Variants in RIT2 observed in about 807,000 individuals in gnomAD.
RIT2 encodes the protein Ras like without CAAX 2.
RIT2 carries 24 observed loss-of-function variants against 23.7 expected under a neutral mutation model. The ratio of observed to expected loss-of-function variants is 1.01; its 90% CI spans 0.73 to 1.43. The LOEUF is 1.43. Among genes scored for constraint, RIT2 ranks in the 40% most tolerant of loss-of-function variants. The pLI is 0.00. For missense variants in RIT2, 236 were observed against 266.9 expected (o/e 0.88, Z 0.81); for synonymous variants, 107 against 91.1 (o/e 1.17, Z -0.99).
intron 4 of RIT2, among the ~76,000 whole-genome samples, chr18:42,881,122 T>C (rs972117920): frequency 1.3e-5 from 2 of 152,116 alleles, no homozygotes; most frequent in African/African-American, 4.8e-5. Context: ...CTACCTCTTT[T>C]AAACATCCCA....
chr18:42,876,305 T>C (rs1950074414), intron 4 of RIT2, among the ~76,000 whole-genome samples: 1 of 151,770 alleles, frequency 6.6e-6, no homozygotes, highest in Non-Finnish European at 1.5e-5. Flanking sequence ...CAAATAATAA[T>C]CGTACATTCT....
At chr18:42,745,822 T>C (rs1160315222) in intron 4 of RIT2, among the ~76,000 whole-genome samples, 1 of 152,160 alleles carries the variant, frequency 6.6e-6, no homozygotes, top group Non-Finnish European at 1.5e-5. Context: ...CTGTAAGAAT[T>C]TTCCCCACCC....
At chr18:42,788,855 C>T (rs1025795298) in intron 4 of RIT2, among the ~76,000 whole-genome samples, 1 of 152,074 alleles carries the variant, frequency 6.6e-6, no homozygotes, top group African/African-American at 2.4e-5. Flanking sequence ...ATTTTGCATG[C>T]CACTCAATTG....
chr18:42,975,867 T>C (rs1910467080), intron 2 of RIT2, among the ~76,000 whole-genome samples: 1 of 152,108 alleles, frequency 6.6e-6, no homozygotes, highest in Non-Finnish European at 1.5e-5. Flanking sequence ...TGACATCATG[T>C]ACCCCAGTTC....
intron 4 of RIT2, among the ~76,000 whole-genome samples, chr18:42,906,801 T>G (rs186540588): frequency 6.6e-6 from 1 of 152,286 alleles, no homozygotes; most frequent in Admixed American, 6.5e-5. Context: ...TTTCCCTCAT[T>G]AAGAGAACCA....
At chr18:42,767,110 G>T (rs1357506874) in intron 4 of RIT2, among the ~76,000 whole-genome samples, 1 of 152,170 alleles carries the variant, frequency 6.6e-6, no homozygotes, top group Non-Finnish European at 1.5e-5. Flanking sequence ...CCCTACTGGG[G>T]CACTGCCTAG....
intron 4 of RIT2, among the ~76,000 whole-genome samples, chr18:42,898,208 C>A (rs140262525): frequency 0.021 from 3,188 of 152,142 alleles, 59 homozygotes; most frequent in South Asian, 0.051. Context: ...TCCAGGCCAG[C>A]CTCACCAACA....
At chr18:42,798,741 G>A (rs1905443394) in intron 4 of RIT2, among the ~76,000 whole-genome samples, 1 of 152,204 alleles carries the variant, frequency 6.6e-6, no homozygotes, top group Non-Finnish European at 1.5e-5. Flanking sequence ...TACATTGCAT[G>A]TTGAAAATTG....
At chr18:43,027,564 G>A (rs1197685583) in intron 2 of RIT2, among the ~76,000 whole-genome samples, 3 of 151,880 alleles carry the variant, frequency 2.0e-5, no homozygotes, top group East Asian at 1.9e-4. Flanking sequence ...TCTTCTGGGT[G>A]GGAGTCTTTA....
In RIT2 at chr18:43,087,797, C is replaced by T. The variant is rs533379334; in HGVS notation, c.103+27620G>A. Among the ~76,000 whole-genome samples the T allele has an allele frequency of 3.5e-4, 53 of 152,154 alleles. No homozygotes were observed. In the South Asian group the frequency reaches 9.3e-3, roughly 27 times the overall value. On this transcript the variant is annotated intron_variant, in intron 1 of 4. Transcript: ENST00000326695. ...CTGTATTGAAGTTGCTGAAGTTGCT[C>T]GGTGGTCCTTGGTGTGGTTGTCTAG...
At chr18:43,057,146 A>G (rs186990643) in intron 1 of RIT2, among the ~76,000 whole-genome samples, 54 of 152,138 alleles carry the variant, frequency 3.5e-4, no homozygotes, top group African/African-American at 1.3e-3. Context: ...AGGCAGGAGG[A>G]CTAGCTAACA....
At chr18:42,927,152 C>T (rs898347187) in intron 3 of RIT2, among the ~76,000 whole-genome samples, 5 of 151,884 alleles carry the variant, frequency 3.3e-5, no homozygotes, top group African/African-American at 1.2e-4. Flanking sequence ...GGCATGAAAT[C>T]CTCTTTTAGC....
At chr18:42,879,824 T>G (rs1796767913) in intron 4 of RIT2, among the ~76,000 whole-genome samples, 1 of 152,202 alleles carries the variant, frequency 6.6e-6, no homozygotes, top group Non-Finnish European at 1.5e-5. Flanking sequence ...GGACAGAACT[T>G]GTCAATTGCA....
Position 43,006,522 on chromosome 18 carries a change from A to T in RIT2, c.160+27289T>A, listed in dbSNP as rs146685203. On this transcript the variant is annotated intron_variant, in intron 2 of 4. Coordinates refer to ENST00000326695, the MANE Select transcript of RIT2 (RefSeq NM_002930.4). ...TCAGAATTAGGAGAATTAGGAAGTA[A>T]GGTTATAAAAACTTAGGAAAGAATG... Among the ~76,000 whole-genome samples, 3 of 151,712 alleles carry T rather than the reference A, an allele frequency of 2.0e-5. No individual in the cohort carries two copies. In the East Asian group the frequency reaches 5.8e-4, roughly 29 times the overall value.
chr18:43,048,036 G>A (rs139845462), intron 1 of RIT2, among the ~76,000 whole-genome samples: 19 of 152,204 alleles, frequency 1.2e-4, no homozygotes, highest in African/African-American at 4.6e-4. Flanking sequence ...AGGGATCTGC[G>A]ATCTATCAAA....
rs557461902 is a variant in RIT2 at position 42,820,862 on chromosome 18, T to A, written c.427-77142A>T. On this transcript the variant is annotated intron_variant, in intron 4 of 4. Transcript: ENST00000326695. The stretch of plus-strand genomic sequence containing the variant: ...GTCCCTTTCAAATCTCATGTTAAAA[T>A]GTGATCTGAAATTTTGGATGTAAGG... 2.0e-5 allele frequency among the ~76,000 whole-genome samples: 3 copies of A among 152,286 alleles called. No homozygotes were observed. The South Asian group carries it at 6.2e-4, about 32-fold the overall frequency.
intron 4 of RIT2, among the ~76,000 whole-genome samples, chr18:42,880,804 C>CTTTTTTTT (rs397966126): frequency 6.9e-5 from 8 of 115,570 alleles, no homozygotes; most frequent in Non-Finnish European, 1.2e-4. Context: ...CTTCCTACCT[C>CTTTTTTTT]TTTTTTTTTT....
At chr18:42,996,740 C>A (rs775604274) in intron 2 of RIT2, among the ~76,000 whole-genome samples, 2 of 152,024 alleles carry the variant, frequency 1.3e-5, no homozygotes, top group Non-Finnish European at 2.9e-5. Flanking sequence ...CCTGCCTGCA[C>A]CCAGGTGATT....
At chr18:42,991,869 C>T (rs1416352520) in intron 2 of RIT2, among the ~76,000 whole-genome samples, 5 of 152,044 alleles carry the variant, frequency 3.3e-5, no homozygotes, top group African/African-American at 7.2e-5. Context: ...ACTCTCTTTT[C>T]GGACTCAGCC....
Sources: allele counts gnomAD v4.1 joint callset (sites outside exome capture counted in the v4.1 genomes callset), GRCh38; gene constraint gnomAD v4.1.1; transcripts MANE v1.5; gene names NCBI Gene and HGNC (gene_info 2026-07-23, HGNC 2026-07-21).